Variants in FAM53B observed in about 807,000 individuals in gnomAD.
FAM53B encodes protein FAM53B.
In FAM53B, 12 loss-of-function variants were observed where a neutral mutation model predicts 32.7. The observed-to-expected ratio is 0.37, with a 90% CI of 0.24 to 0.59. The LOEUF (loss-of-function observed/expected upper bound fraction) is 0.59, where lower values mean the gene tolerates loss of function less well. FAM53B is among the 20% of genes least tolerant of loss of function. The pLI, the probability that FAM53B is intolerant of heterozygous loss-of-function variation, is 0.72. For missense variants in FAM53B, 477 were observed against 577.7 expected (o/e 0.83, Z 1.79); for synonymous variants, 234 against 228.7 (o/e 1.02, Z -0.21).
intron 4 of FAM53B, among the ~76,000 whole-genome samples, chr10:124,677,248 A>G (rs1266828899): frequency 6.6e-6 from 1 of 152,240 alleles, no homozygotes; most frequent in Non-Finnish European, 1.5e-5. Flanking sequence ...CCAGGTCTCA[A>G]AAAAGCAGTA....
At chr10:124,631,648 C>T (rs1195876822) in intron 4 of FAM53B, among the ~76,000 whole-genome samples, 1 of 152,198 alleles carries the variant, frequency 6.6e-6, no homozygotes, top group Non-Finnish European at 1.5e-5. Flanking sequence ...TTTCCCAAGG[C>T]CCCTCTTCCT....
intron 4 of FAM53B, among the ~76,000 whole-genome samples, chr10:124,628,033 T>C (rs1488695369): frequency 2.0e-5 from 3 of 152,138 alleles, no homozygotes; most frequent in African/African-American, 2.4e-5. Context: ...TGCTACTCAC[T>C]CCGTCCAGCC....
At chr10:124,714,535 C>A (rs893454851) in intron 1 of FAM53B, among the ~76,000 whole-genome samples, 3 of 151,726 alleles carry the variant, frequency 2.0e-5, no homozygotes, top group African/African-American at 7.3e-5. Flanking sequence ...CTGAGGCAGG[C>A]GGATCACAAG....
chr10:124,636,035 T>C (rs139483350), intron 4 of FAM53B, among the ~76,000 whole-genome samples: 13 of 152,348 alleles, frequency 8.5e-5, no homozygotes, highest in African/African-American at 2.4e-4. Flanking sequence ...GTTTACTCTG[T>C]ATGTTGTTTT....
chr10:124,698,988 A>G (rs1313003743), intron 2 of FAM53B, among the ~76,000 whole-genome samples: 1 of 151,890 alleles, frequency 6.6e-6, no homozygotes, highest in African/African-American at 2.4e-5. Context: ...GCCAGTCACT[A>G]CCATCTCAGG....
At chr10:124,628,628 C>A (rs1013858142) in intron 4 of FAM53B, among the ~76,000 whole-genome samples, 9 of 152,214 alleles carry the variant, frequency 5.9e-5, no homozygotes, top group African/African-American at 2.4e-5. Context: ...CACCTGGAGT[C>A]CCAAACCCAC....
chr10:124,684,003 T>A (rs1949788410), intron 3 of FAM53B, among the ~76,000 whole-genome samples: 1 of 152,252 alleles, frequency 6.6e-6, no homozygotes, highest in African/African-American at 2.4e-5. Flanking sequence ...GCAGAGCTAA[T>A]GGTGGTTCTC....
intron 4 of FAM53B, among the ~76,000 whole-genome samples, chr10:124,632,803 G>C (rs1028410863): frequency 1.3e-5 from 2 of 152,250 alleles, no homozygotes; most frequent in Non-Finnish European, 2.9e-5. Context: ...GCTGCGTGAT[G>C]TGCAATCGCA....
chr10:124,685,509 C>T (rs938398877), intron 3 of FAM53B, among the ~76,000 whole-genome samples: 3 of 152,186 alleles, frequency 2.0e-5, no homozygotes, highest in Non-Finnish European at 4.4e-5. Context: ...GGAATGTGGC[C>T]GGCTGAGGAA....
intron 3 of FAM53B, among the ~76,000 whole-genome samples, chr10:124,683,940 G>A (rs1221142802): frequency 6.6e-6 from 1 of 152,250 alleles, no homozygotes; most frequent in African/African-American, 2.4e-5. Flanking sequence ...GACTCAACGG[G>A]AATGACCTGT....
chr10:124,659,683 C>T (rs1026160638), intron 4 of FAM53B, among the ~76,000 whole-genome samples: 1 of 152,258 alleles, frequency 6.6e-6, no homozygotes, highest in Non-Finnish European at 1.5e-5. Flanking sequence ...ACCACCTTGC[C>T]GGGCCAAGCT....
Position 124,622,753 on chromosome 10 carries a change from G to A in FAM53B, c.*489C>T, listed in dbSNP as rs1949320091. 6.5e-6 allele frequency: 1 copy of A among 154,704 alleles called. No individual in the cohort carries two copies. The highest frequency in any genetic ancestry group is 2.0e-4 in the South Asian group (1 of 4,908). The allele number at this position is 154,704 out of a possible 1,614,324, so 9.6% of individuals were successfully genotyped here. A position where few individuals can be genotyped will look rare whatever the true frequency, so the allele number is the denominator to read the frequency against. ...GGAGACCTGGGAGAGAAGGCACGGAGTAAAACTGAGTGAAAGAAGCTGCGG... is the reference window on the plus strand; with the variant it reads ...GGAGACCTGGGAGAGAAGGCACGGAATAAAACTGAGTGAAAGAAGCTGCGG... On this transcript the variant is annotated 3_prime_UTR_variant, in exon 5 of 5. Transcript: ENST00000337318.
At chr10:124,722,778 C>T (rs1320107899) in intron 1 of FAM53B, among the ~76,000 whole-genome samples, 1 of 152,156 alleles carries the variant, frequency 6.6e-6, no homozygotes, top group East Asian at 1.9e-4. Flanking sequence ...AAGAAAATGA[C>T]AACAGGAGCT....
chr10:124,698,030 T>C (rs1949886264), intron 2 of FAM53B, among the ~76,000 whole-genome samples: 1 of 152,220 alleles, frequency 6.6e-6, no homozygotes, highest in Non-Finnish European at 1.5e-5. Context: ...GGGGCTGCAC[T>C]GCCTGCACAG....
At chr10:124,697,449 G>A (rs991440082) in intron 2 of FAM53B, among the ~76,000 whole-genome samples, 6 of 152,058 alleles carry the variant, frequency 3.9e-5, no homozygotes, top group Admixed American at 1.3e-4. Flanking sequence ...GTAAGAAGGC[G>A]GCAAGCACCT....
intron 2 of FAM53B, among the ~76,000 whole-genome samples, chr10:124,702,532 C>G (rs538997156): frequency 6.6e-6 from 1 of 152,336 alleles, no homozygotes; most frequent in South Asian, 2.1e-4. Context: ...CGATCACAGC[C>G]TCTGGAACAG....
intron 4 of FAM53B, among the ~76,000 whole-genome samples, chr10:124,630,427 A>C (rs548643491): frequency 6.6e-6 from 1 of 152,280 alleles, no homozygotes; most frequent in Non-Finnish European, 1.5e-5. Flanking sequence ...AAAAAAGAAA[A>C]GCGGGGGACA....
chr10:124,633,246 G>A (rs79824661), intron 4 of FAM53B, among the ~76,000 whole-genome samples: 36 of 135,744 alleles, frequency 2.7e-4, no homozygotes, highest in African/African-American at 5.0e-4. Flanking sequence ...AAAATTGATA[G>A]AAAAAAAAAA....
At chr10:124,625,335 G>C (rs184465198) in intron 4 of FAM53B, among the ~76,000 whole-genome samples, 1 of 152,188 alleles carries the variant, frequency 6.6e-6, no homozygotes, top group African/African-American at 2.4e-5. Flanking sequence ...TGAGGTGTTG[G>C]GGGGAGCTCT....
Sources: allele counts gnomAD v4.1 joint callset (sites outside exome capture counted in the v4.1 genomes callset), GRCh38; gene constraint gnomAD v4.1.1; transcripts MANE v1.5; gene names NCBI Gene and HGNC (gene_info 2026-07-23, HGNC 2026-07-21).